The following NRCAM variants were observed in gnomAD, a reference collection of about 807,000 sequenced individuals.
The protein encoded by NRCAM is NgCAM-related cell adhesion molecule.
Under a neutral mutation model 156.5 loss-of-function variants are expected in NRCAM, and 83 were observed. The ratio of observed to expected loss-of-function variants is 0.53; its 90% CI spans 0.44 to 0.64. The LOEUF (loss-of-function observed/expected upper bound fraction) is 0.64. Ranked by LOEUF, NRCAM falls within the 30% of genes least tolerant of loss-of-function variation. The pLI is 0.00. For missense variants in NRCAM, 1,417 were observed against 1,597.3 expected, an observed-to-expected ratio of 0.89 and a Z score of 1.92; for synonymous variants, 538 against 563.9, an observed-to-expected ratio of 0.95 and a Z score of 0.65.
At chr7:108,411,064 C>T (rs1794815063) in intron 1 of NRCAM, among the ~76,000 whole-genome samples, 1 of 152,010 alleles carries the variant, frequency 6.6e-6, no homozygotes, top group Admixed American at 6.5e-5. Flanking sequence ...GATACTTTTT[C>T]CAACTTTCCA....
At chr7:108,319,906 C>T (rs1178792683) in intron 2 of NRCAM, among the ~76,000 whole-genome samples, 1 of 152,088 alleles carries the variant, frequency 6.6e-6, no homozygotes, top group African/African-American at 2.4e-5. Context: ...ATCCTAAGGG[C>T]AATGGGAAGC....
chr7:108,454,557 T>A (rs1039792181), intron 1 of NRCAM, among the ~76,000 whole-genome samples: 1 of 152,236 alleles, frequency 6.6e-6, no homozygotes, highest in Non-Finnish European at 1.5e-5. Context: ...ATCGTTACCA[T>A]TAAAGCAGCA....
chr7:108,147,904 C>T lies in NRCAM; in HGVS notation c.*2006G>A, dbSNP rs188862131. The T allele has an allele frequency of 1.3e-5, 2 of 152,724 alleles. No homozygotes were observed. The highest frequency in any genetic ancestry group is 3.9e-4 in the East Asian group (2 of 5,192). 9.5% of individuals were successfully genotyped at this position (152,724 alleles called of 1,614,324 possible). Reference sequence around the variant, plus strand: ...GGAAAAAATGTAGTTTTATTGTTCTCCCAAAATATTGGCAAATTTAAAGTA... The same window carrying T: ...GGAAAAAATGTAGTTTTATTGTTCTTCCAAAATATTGGCAAATTTAAAGTA... On this transcript the variant is annotated 3_prime_UTR_variant, in exon 33 of 33. Coordinates refer to ENST00000379028, the MANE Select transcript of NRCAM (RefSeq NM_001037132.4).
chr7:108,164,442 G>T (rs2052267240), intron 30 of NRCAM, among the ~76,000 whole-genome samples: 1 of 152,068 alleles, frequency 6.6e-6, no homozygotes, highest in Non-Finnish European at 1.5e-5. Context: ...CCTAAAATTA[G>T]CAGAAATCAG....
intron 30 of NRCAM, among the ~76,000 whole-genome samples, chr7:108,164,503 G>A (rs1563210547): frequency 6.8e-6 from 1 of 147,816 alleles, no homozygotes; most frequent in Non-Finnish European, 1.5e-5. Context: ...ATTAGCCAAT[G>A]ATAGGCTTTC....
At chr7:108,320,255 C>A (rs533291575) in intron 2 of NRCAM, among the ~76,000 whole-genome samples, 77 of 152,118 alleles carry the variant, frequency 5.1e-4, no homozygotes, top group African/African-American at 1.7e-3. Context: ...AGTTCAAGAC[C>A]AGCCTGGGCA....
intron 1 of NRCAM, among the ~76,000 whole-genome samples, chr7:108,418,950 C>T (rs2154431523): frequency 6.6e-6 from 1 of 151,978 alleles, no homozygotes; most frequent in East Asian, 1.9e-4. Flanking sequence ...ATGACTCTTC[C>T]CTACCCATAA....
Position 108,434,782 on chromosome 7 carries a change from G to A in NRCAM, c.-332+21461C>T, listed in dbSNP as rs73714860. ...CACAGGGGCAAACCTTAAGAAACCA[G>A]GCTAATTTTTTTTTAAGTAAAAAAA... On this transcript the variant is annotated intron_variant, in intron 1 of 32. Coordinates refer to ENST00000379028, the MANE Select transcript of NRCAM (RefSeq NM_001037132.4). Among the ~76,000 whole-genome samples, 822 of 152,136 alleles carry A rather than the reference G, an allele frequency of 5.4e-3. 8 individuals are homozygous for A. The highest frequency in any genetic ancestry group is 0.019 in the African/African-American group (793 of 41,480).
intron 1 of NRCAM, among the ~76,000 whole-genome samples, chr7:108,406,226 A>G (rs2099807135): frequency 6.6e-6 from 1 of 152,170 alleles, no homozygotes; most frequent in Non-Finnish European, 1.5e-5. Flanking sequence ...GCAGGAAAAA[A>G]AGGGGAGAAA....
chr7:108,149,841 G>C lies in NRCAM; in HGVS notation c.*69C>G. 2 of 1,247,062 alleles carry C rather than the reference G, an allele frequency of 1.6e-6. No individual in the cohort carries two copies. The highest frequency in any genetic ancestry group is 2.8e-5 in the South Asian group (2 of 72,126). The allele number at this position is 1,247,062 out of a possible 1,614,324, so 77.2% of individuals were successfully genotyped here. ...CTCTACCCATATGTTCATAGTATGAGAGGGCTGACAAACAAGTGCTTAGGA... is the reference window on the plus strand; with the variant it reads ...CTCTACCCATATGTTCATAGTATGACAGGGCTGACAAACAAGTGCTTAGGA... On this transcript the variant is annotated 3_prime_UTR_variant, in exon 33 of 33. Coordinates refer to ENST00000379028, the MANE Select transcript of NRCAM (RefSeq NM_001037132.4).
intron 28 of NRCAM, among the ~76,000 whole-genome samples, chr7:108,171,378 C>T (rs573374448): frequency 4.7e-4 from 72 of 152,312 alleles, no homozygotes; most frequent in African/African-American, 1.7e-3. Context: ...ACCATCTGGC[C>T]CCGCCCACTG....
chr7:108,356,150 T>C (rs2099494692), intron 2 of NRCAM, among the ~76,000 whole-genome samples: 2 of 152,144 alleles, frequency 1.3e-5, no homozygotes, highest in African/African-American at 4.8e-5. Context: ...GGTTTCACCA[T>C]AGTGGCCAGG....
chr7:108,388,541 TGTGC>T (rs1241519345), intron 2 of NRCAM, among the ~76,000 whole-genome samples: 1 of 152,230 alleles, frequency 6.6e-6, no homozygotes, highest in African/African-American at 2.4e-5. Flanking sequence ...TTTCTTTTGC[TGTGC>T]AGAAGCTCTT....
chr7:108,329,372 G>C (rs1405362406), intron 2 of NRCAM, among the ~76,000 whole-genome samples: 1 of 152,170 alleles, frequency 6.6e-6, no homozygotes, highest in Non-Finnish European at 1.5e-5. Flanking sequence ...ATTATGTCCA[G>C]TAGGACCTCA....
intron 26 of NRCAM, 146 bp from the exon 27 acceptor site, chr7:108,176,752 T>A: frequency 1.6e-6 from 1 of 622,234 alleles, no homozygotes; most frequent in Non-Finnish European, 2.8e-6. Context: ...CATAACTAAG[T>A]GATAACCTTT....
intron 32 of NRCAM, among the ~76,000 whole-genome samples, chr7:108,157,033 T>TG (rs1159025331): frequency 6.6e-6 from 1 of 152,080 alleles, no homozygotes; most frequent in Admixed American, 6.6e-5. Flanking sequence ...GTAAAAAATG[T>TG]GGTTGGAATT....
At chr7:108,377,324 TG>T (rs1441319811) in intron 2 of NRCAM, among the ~76,000 whole-genome samples, 8 of 152,158 alleles carry the variant, frequency 5.3e-5, no homozygotes, top group Non-Finnish European at 1.0e-4. Context: ...CTTTCACACT[TG>T]GGAACCTGGT....
chr7:108,433,857 C>A (rs910466422), intron 1 of NRCAM, among the ~76,000 whole-genome samples: 8 of 152,176 alleles, frequency 5.3e-5, no homozygotes, highest in Admixed American at 4.6e-4. Context: ...TCCTTTGTAG[C>A]AACACAAAAT....
At position 108,435,866 on chromosome 7, in the gene NRCAM, C is replaced by G. The variant is rs576614260; in HGVS notation, c.-332+20377G>C. Among the ~76,000 whole-genome samples, 4 of 152,352 alleles carry G rather than the reference C, an allele frequency of 2.6e-5. No homozygotes were observed. The East Asian group carries it at 7.7e-4, about 29-fold the overall frequency. The stretch of plus-strand genomic sequence containing the variant: ...GCAAGATATTGGCCAGGGGCGGTGG[C>G]TTACGCCTGTAATCCCAGCACTTTG... On this transcript the variant is annotated intron_variant, in intron 1 of 32. Coordinates refer to ENST00000379028, the MANE Select transcript of NRCAM (RefSeq NM_001037132.4).
Sources: gnomAD v4.1 joint callset for allele counts (sites outside exome capture counted in the v4.1 genomes callset) on GRCh38, gnomAD v4.1.1 for gene constraint, MANE v1.5 for transcripts, NCBI Gene and HGNC (gene_info 2026-07-23, HGNC 2026-07-21) for gene names.